Variants in NTRK3 observed in about 807,000 individuals in gnomAD.
The protein encoded by NTRK3 is NT-3 growth factor receptor.
NTRK3 carries 24 observed loss-of-function variants against 91.7 expected under a neutral mutation model. The observed-to-expected ratio is 0.26, with a 90% CI of 0.19 to 0.37. NTRK3 has a LOEUF of 0.37. NTRK3 is among the 10% of genes least tolerant of loss of function. NTRK3 has a pLI of 1.00. For missense variants in NTRK3, 880 were observed against 1,068.9 expected (o/e 0.82, Z 2.46); for synonymous variants, 483 against 404.0 (o/e 1.20, Z -2.34).
At chr15:87,948,362 G>A (rs1203156452) in intron 14 of NTRK3, among the ~76,000 whole-genome samples, 2 of 152,204 alleles carry the variant, frequency 1.3e-5, no homozygotes, top group South Asian at 2.1e-4. Flanking sequence ...CAAAAACTCT[G>A]CAGAATTTTT....
intron 17 of NTRK3, among the ~76,000 whole-genome samples, chr15:87,924,073 TATC>T (rs1287735155): frequency 6.6e-6 from 1 of 152,182 alleles, no homozygotes; most frequent in African/African-American, 2.4e-5. Flanking sequence ...ATTTATTATT[TATC>T]ATCCTAAGAG....
chr15:88,072,796 G>T (rs763424396), intron 13 of NTRK3: 8 of 233,098 alleles, frequency 3.4e-5, no homozygotes, highest in African/African-American at 4.4e-5. Context: ...GCAAGAGAGG[G>T]AAAGCGGGCA....
chr15:88,202,148 G>A (rs765449724), intron 3 of NTRK3, among the ~76,000 whole-genome samples: 5 of 152,268 alleles, frequency 3.3e-5, no homozygotes, highest in Admixed American at 6.5e-5. Context: ...AAACCTGCAG[G>A]AGCCTTCCTC....
chr15:87,940,635 A>G lies in NTRK3; in HGVS notation c.1704T>C (p.Leu568=), dbSNP rs34595460. 6.3e-4 allele frequency: 1,013 copies of G among 1,613,844 alleles called. 2 individuals are homozygous for G. In the Middle Eastern group the frequency reaches 0.011, roughly 17 times the overall value. The change falls in exon 15 of 19, where the codon CTT becomes CTC. Residue 568 remains leucine, a synonymous_variant. Coordinates refer to ENST00000394480, the Ensembl canonical transcript of NTRK3. ...CTCTGGGGTTTACCTTCACAGCCAC[A>G]AGCATCTTGTCCTTGGTCGGGCTGA...
At chr15:88,038,641 G>C (rs1223332794) in intron 13 of NTRK3, among the ~76,000 whole-genome samples, 3 of 152,102 alleles carry the variant, frequency 2.0e-5, no homozygotes, top group African/African-American at 7.2e-5. Context: ...AGGGGCATGG[G>C]GTAGATGGGA....
exon 19 of NTRK3, chr15:87,874,412 T>C (rs1422228226): frequency 1.3e-5 from 3 of 230,320 alleles, no homozygotes; most frequent in Non-Finnish European, 2.6e-5. Context: ...TCTCCTTCAG[T>C]GCTTCTTGTT....
At chr15:87,960,481 T>A (rs1448078461) in intron 14 of NTRK3, among the ~76,000 whole-genome samples, 6 of 151,188 alleles carry the variant, frequency 4.0e-5, no homozygotes. Flanking sequence ...GAATAAAGCT[T>A]CCCCCCATCC....
At chr15:87,972,518 A>G (rs1402658035) in intron 14 of NTRK3, among the ~76,000 whole-genome samples, 1 of 152,152 alleles carries the variant, frequency 6.6e-6, no homozygotes, top group Non-Finnish European at 1.5e-5. Context: ...TAGGGTGTGA[A>G]GTGAGAACTG....
At chr15:88,028,161 C>G (rs1363743312) in intron 14 of NTRK3, among the ~76,000 whole-genome samples, 2 of 143,760 alleles carry the variant, frequency 1.4e-5, no homozygotes, top group Non-Finnish European at 3.0e-5. Context: ...GAGAGCAAGA[C>G]AGGAAGGGAG....
intron 10 of NTRK3, among the ~76,000 whole-genome samples, chr15:88,133,070 G>T (rs541795530): frequency 6.6e-6 from 1 of 152,120 alleles, no homozygotes; most frequent in Non-Finnish European, 1.5e-5. Flanking sequence ...CTCTGATTCC[G>T]TAGATGTGAG....
At chr15:87,987,951 A>G (rs943421118) in intron 14 of NTRK3, among the ~76,000 whole-genome samples, 4 of 152,166 alleles carry the variant, frequency 2.6e-5, no homozygotes, top group Admixed American at 2.0e-4. Context: ...CAGAAGAATT[A>G]CGAATACTTT....
At chr15:88,143,477 A>G (rs1304060159) in intron 6 of NTRK3, among the ~76,000 whole-genome samples, 1 of 152,214 alleles carries the variant, frequency 6.6e-6, no homozygotes, top group Admixed American at 6.5e-5. Context: ...CTATTGTTTT[A>G]AGCCACCAAG....
At chr15:87,896,683 TTC>T (rs1036586200) in intron 17 of NTRK3, among the ~76,000 whole-genome samples, 27 of 152,106 alleles carry the variant, frequency 1.8e-4, no homozygotes, top group Admixed American at 8.5e-4. Flanking sequence ...TCCTTTTGAT[TTC>T]TGATCTACAA....
intron 14 of NTRK3, among the ~76,000 whole-genome samples, chr15:88,003,351 T>C (rs2076251120): frequency 6.6e-6 from 1 of 152,224 alleles, no homozygotes; most frequent in African/African-American, 2.4e-5. Context: ...AGGTAAACTG[T>C]ATGCCAGTGT....
intron 13 of NTRK3, among the ~76,000 whole-genome samples, chr15:88,097,719 G>A (rs182867103): frequency 2.6e-5 from 4 of 152,186 alleles, no homozygotes; most frequent in South Asian, 4.1e-4. Flanking sequence ...CTTTAAAAAC[G>A]ATGGTTATAA....
intron 17 of NTRK3, among the ~76,000 whole-genome samples, chr15:87,882,429 C>G (rs577912756): frequency 6.6e-6 from 1 of 152,118 alleles, no homozygotes; most frequent in African/African-American, 2.4e-5. Flanking sequence ...AAATAAGCCA[C>G]AAAAATGCAA....
intron 5 of NTRK3, among the ~76,000 whole-genome samples, chr15:88,164,067 T>G (rs1223527828): frequency 1.3e-5 from 2 of 152,232 alleles, no homozygotes; most frequent in Non-Finnish European, 2.9e-5. Flanking sequence ...GTGGGTGTAC[T>G]GGGTGTATGG....
chr15:88,081,282 G>A (rs2048017710), intron 13 of NTRK3, among the ~76,000 whole-genome samples: 1 of 152,114 alleles, frequency 6.6e-6, no homozygotes, highest in African/African-American at 2.4e-5. Flanking sequence ...AGAAGGATGG[G>A]GTGGAGTGGG....
At chr15:87,975,082 G>T (rs1325642851) in intron 14 of NTRK3, among the ~76,000 whole-genome samples, 2 of 152,096 alleles carry the variant, frequency 1.3e-5, no homozygotes, top group Non-Finnish European at 2.9e-5. Context: ...CTTCCTTGTG[G>T]GTAAAATCTG....
Sources: allele counts gnomAD v4.1 joint callset (sites outside exome capture counted in the v4.1 genomes callset), GRCh38; gene constraint gnomAD v4.1.1; transcripts MANE v1.5; gene names NCBI Gene and HGNC (gene_info 2026-07-23, HGNC 2026-07-21).